The following CFAP77 variants were observed in gnomAD, a reference collection of about 807,000 sequenced individuals.
The protein encoded by CFAP77 is cilia and flagella associated protein 77, also known as cilia- and flagella-associated protein 77.
A neutral mutation model predicts 31.1 loss-of-function variants in CFAP77; 25 were observed. The ratio of observed to expected loss-of-function variants is 0.80; its 90% confidence interval spans 0.59 to 1.12. CFAP77 has a LOEUF of 1.12. Among genes scored for constraint, CFAP77 ranks in the 50% most tolerant of loss-of-function variants. CFAP77 has a pLI of 0.00. For synonymous variants in CFAP77, 151 were observed against 159.9 expected, an observed-to-expected ratio of 0.94 and a Z score of 0.42; for missense variants, 377 against 397.3, an observed-to-expected ratio of 0.95 and a Z score of 0.44.
rs1239440114 is a variant in CFAP77 at position 132,564,589 on chromosome 9, A to G, written c.733-7799A>G. On this transcript the variant is annotated intron_variant, in intron 5 of 5. Coordinates refer to ENST00000393216, the MANE Select transcript of CFAP77 (RefSeq NM_001282957.2). The surrounding 1 kb of genome is among the most constrained non-coding windows in gnomAD (Gnocchi z 4.6). Reference sequence around the variant, plus strand: ...AAACTTGTGAGATGAGCTAAAAGAGAATTTAGAGGGAACACAGTTGCTAAT... The same window carrying G: ...AAACTTGTGAGATGAGCTAAAAGAGGATTTAGAGGGAACACAGTTGCTAAT... Among the ~76,000 whole-genome samples the G allele has an allele frequency of 6.6e-6, 1 of 152,210 alleles. No homozygotes were observed. The highest frequency in any genetic ancestry group is 2.4e-5 in the African/African-American group (1 of 41,456).
chr9:132,537,934 GGGCCATCAGTCAATA>G (rs1173907945), intron 4 of CFAP77, among the ~76,000 whole-genome samples: 1 of 152,090 alleles, frequency 6.6e-6, no homozygotes, highest in African/African-American at 2.4e-5. Context: ...AGATGGGTCC[GGGCCATCAGTCAATA>G]GGCCCTGTGT....
intron 3 of CFAP77, among the ~76,000 whole-genome samples, chr9:132,522,978 A>G (rs1852296158): frequency 6.6e-6 from 1 of 152,098 alleles, no homozygotes; most frequent in Non-Finnish European, 1.5e-5. Flanking sequence ...AGGATCATAT[A>G]CAACCACTAA....
intron 1 of CFAP77, among the ~76,000 whole-genome samples, chr9:132,479,163 T>C (rs1332595786): frequency 6.6e-6 from 1 of 152,222 alleles, no homozygotes; most frequent in Non-Finnish European, 1.5e-5. Context: ...TTTTCGCATG[T>C]AGCAATTATG....
chr9:132,412,627 T>G (rs1850028759), intron 1 of CFAP77, among the ~76,000 whole-genome samples: 1 of 151,192 alleles, frequency 6.6e-6, no homozygotes, highest in Non-Finnish European at 1.5e-5. Context: ...CTTTTTTTTT[T>G]TTGTTTGTTT....
At chr9:132,442,779 C>A (rs978320021) in intron 1 of CFAP77, among the ~76,000 whole-genome samples, 1 of 151,854 alleles carries the variant, frequency 6.6e-6, no homozygotes, top group Non-Finnish European at 1.5e-5. Flanking sequence ...TGGGCTCAAG[C>A]GATCCTCCCA....
intron 5 of CFAP77, among the ~76,000 whole-genome samples, chr9:132,569,805 G>A (rs149973199): frequency 6.9e-6 from 1 of 145,120 alleles, no homozygotes. Context: ...GCACAATCTC[G>A]GCTCACTGCA....
intron 1 of CFAP77, among the ~76,000 whole-genome samples, chr9:132,484,375 A>G (rs1851501649): frequency 6.6e-6 from 1 of 152,160 alleles, no homozygotes; most frequent in Admixed American, 6.5e-5. Flanking sequence ...TCATCACCCC[A>G]AAAGGAAGCT....
chr9:132,567,169 G>A (rs10122218), intron 5 of CFAP77, among the ~76,000 whole-genome samples: 63,969 of 151,988 alleles, frequency 0.42, 13,723 homozygotes, highest in African/African-American at 0.48. Context: ...GCCTCTCCCA[G>A]TGTCGGCACA....
chr9:132,561,183 G>T (rs977582305), intron 5 of CFAP77, among the ~76,000 whole-genome samples: 1 of 152,070 alleles, frequency 6.6e-6, no homozygotes, highest in African/African-American at 2.4e-5. Flanking sequence ...TACTGACCTG[G>T]GACTGATCCA....
At position 132,501,946 on chromosome 9, in the gene CFAP77, G is replaced by A. The variant is rs975670757; in HGVS notation, c.524+2346G>A. On this transcript the variant is annotated intron_variant, in intron 3 of 5. Transcript: ENST00000393216. The surrounding 1 kb of genome is among the most constrained non-coding windows in gnomAD (Gnocchi z 4.6). ...GAGGGGAATGGACATCAGGCAGGCA[G>A]TAGGACTTCCCAGCCCTTTCTACCT... Among the ~76,000 whole-genome samples the A allele has an allele frequency of 1.3e-5, 2 of 152,258 alleles. No homozygotes were observed. The highest frequency in any genetic ancestry group is 2.4e-5 in the African/African-American group (1 of 41,466).
rs1378144801 is a variant in CFAP77, at chr9:132,471,538, G to A, written c.196-27157G>A. ...CCAAAGCCACTTCTCAGAGTTTCAC[G>A]TTTCTTTCACTTTGGGATCTTTTTA... On this transcript the variant is annotated intron_variant, in intron 1 of 5. Coordinates refer to ENST00000393216, the MANE Select transcript of CFAP77 (RefSeq NM_001282957.2). Among the ~76,000 whole-genome samples, 3 of 151,716 alleles carry A rather than the reference G, an allele frequency of 2.0e-5. No homozygotes were observed. In the South Asian group the frequency reaches 6.2e-4, roughly 32 times the overall value.
chr9:132,546,091 A>G (rs893680700), intron 5 of CFAP77, among the ~76,000 whole-genome samples: 6 of 152,206 alleles, frequency 3.9e-5, no homozygotes, highest in Non-Finnish European at 5.9e-5. Flanking sequence ...ATCAGTAAAC[A>G]TCTGTGGAAT....
At chr9:132,525,956 G>A (rs1852352489) in intron 3 of CFAP77, among the ~76,000 whole-genome samples, 1 of 152,132 alleles carries the variant, frequency 6.6e-6, no homozygotes, top group South Asian at 2.1e-4. Context: ...ATGTTCTTCT[G>A]ATCTATAGCT....
intron 3 of CFAP77, among the ~76,000 whole-genome samples, chr9:132,515,396 G>A (rs1564236472): frequency 6.6e-6 from 1 of 152,056 alleles, no homozygotes; most frequent in East Asian, 1.9e-4. Context: ...TGGCACCCCT[G>A]GGCACACTTG....
chr9:132,437,549 A>T (rs1177732335), intron 1 of CFAP77, among the ~76,000 whole-genome samples: 3 of 124,030 alleles, frequency 2.4e-5, no homozygotes, highest in African/African-American at 3.2e-5. Flanking sequence ...TCACTCTGTC[A>T]CCCAGGCTGG....
intron 1 of CFAP77, among the ~76,000 whole-genome samples, chr9:132,486,075 TATA>T (rs1851547966): frequency 5.3e-5 from 1 of 18,852 alleles, no homozygotes; most frequent in African/African-American, 3.5e-4. Flanking sequence ...TGTATATATA[TATA>T]TATATATATA....
In CFAP77 at chr9:132,480,021, G is replaced by A. The variant is rs568257914; in HGVS notation, c.196-18674G>A. Among the ~76,000 whole-genome samples, 86 of 152,300 alleles carry A rather than the reference G, an allele frequency of 5.6e-4. No homozygotes were observed. Among genetic ancestry groups the A allele is most frequent in the Non-Finnish European group, 9.7e-4 (66 of 68,034 alleles). On this transcript the variant is annotated intron_variant, in intron 1 of 5. Transcript: ENST00000393216. The surrounding 1 kb of genome is among the most constrained non-coding windows in gnomAD (Gnocchi z 5.8). ...CAGATGATGCGGCTCTGGATGACAC[G>A]GATGGAGACGCGCTCCAGATAGGAA...
intron 3 of CFAP77, among the ~76,000 whole-genome samples, chr9:132,500,800 G>A (rs775444798): frequency 6.6e-5 from 10 of 152,190 alleles, no homozygotes; most frequent in Non-Finnish European, 1.3e-4. Flanking sequence ...GTCAACAAGG[G>A]CACGACCGGC....
intron 1 of CFAP77, among the ~76,000 whole-genome samples, chr9:132,437,503 A>ATTTTTTT (rs763301010): frequency 2.2e-5 from 2 of 90,468 alleles, no homozygotes; most frequent in Admixed American, 1.3e-4. Flanking sequence ...CCACTTTTGC[A>ATTTTTTT]TTTTTTTTTT....
Sources: gnomAD v4.1 joint callset for allele counts (sites outside exome capture counted in the v4.1 genomes callset) on GRCh38, gnomAD v4.1.1 for gene constraint, Gnocchi (gnomAD v3.1) non-coding constraint, MANE v1.5 for transcripts, NCBI Gene and HGNC (gene_info 2026-07-23, HGNC 2026-07-21) for gene names.